The following TRMT44 variants were observed in gnomAD, a reference collection of about 807,000 sequenced individuals.
TRMT44 encodes the protein probable tRNA (uracil-O(2)-)-methyltransferase.
TRMT44 carries 78 observed loss-of-function variants against 77.3 expected under a neutral mutation model. That is an observed-to-expected ratio of 1.01 (90% CI 0.84 to 1.22). The LOEUF (loss-of-function observed/expected upper bound fraction) is 1.22, where lower values mean the gene tolerates loss of function less well. Among genes scored for constraint, TRMT44 ranks in the 50% most tolerant of loss-of-function variants. The probability of loss-of-function intolerance (pLI) is 0.00; values close to 1 mark genes in which losing one functional copy is unlikely to be tolerated. For missense variants in TRMT44, 1,090 were observed against 964.4 expected (o/e 1.13, Z -1.73); for synonymous variants, 391 against 383.3 (o/e 1.02, Z -0.23).
intron 9 of TRMT44, chr4:8,468,682 G>A (rs779903346): frequency 4.1e-5 from 21 of 517,148 alleles, no homozygotes; most frequent in Admixed American, 2.1e-4. Flanking sequence ...CAAGCAAAAT[G>A]CACTGTCCCC....
At chr4:8,506,334 T>C in the TRMT44 span, among the ~76,000 whole-genome samples, 2 of 152,214 alleles carry the variant, frequency 1.3e-5, no homozygotes, top group Non-Finnish European at 2.9e-5. Context: ...CAGAAGGGAT[T>C]TCTCCTAAAC....
intron 2 of TRMT44, among the ~76,000 whole-genome samples, chr4:8,485,533 C>T (rs149596742): frequency 0.057 from 8,600 of 151,914 alleles, 422 homozygotes; most frequent in African/African-American, 0.13. Context: ...TGGCATTGAG[C>T]GGGGTAAGGG....
rs764510664 is a variant in TRMT44 at position 8,465,473 on chromosome 4, G to C, written c.1406G>C (p.Arg469Pro). The change falls in exon 8 of 11, where the codon CGG becomes CCG. Residue 469 changes from arginine (R) to proline (P), a missense_variant. By Grantham distance (103) the Arg-to-Pro change is moderately radical. Transcript: ENST00000389737. The stretch of plus-strand genomic sequence containing the variant: ...AGGCAGAGTAAGAAGACTCAGTACC[G>C]GGAATACCTTGACTTCATTAAAGAA... ...SRRQSKKTQY[R>P]EYLDFIKEVG... is the part of the protein sequence containing the mutation. 1 of 1,614,122 alleles carries C rather than the reference G, an allele frequency of 6.2e-7. No individual in the cohort carries two copies. Among genetic ancestry groups the C allele is most frequent in the East Asian group, 2.2e-5 (1 of 44,880 alleles).
At chr4:8,470,036 G>A (rs1317014853) in intron 9 of TRMT44, among the ~76,000 whole-genome samples, 2 of 152,284 alleles carry the variant, frequency 1.3e-5, no homozygotes, top group East Asian at 3.8e-4. Context: ...GAAACCAAGA[G>A]GCCGGATATG....
chr4:8,469,816 C>A (rs770415432), intron 9 of TRMT44, among the ~76,000 whole-genome samples: 3 of 152,266 alleles, frequency 2.0e-5, no homozygotes, highest in Non-Finnish European at 4.4e-5. Context: ...GGCCTTTGGT[C>A]GCCCCCACCC....
chr4:8,485,599 T>C (rs1727777428), intron 2 of TRMT44, among the ~76,000 whole-genome samples: 1 of 150,916 alleles, frequency 6.6e-6, no homozygotes, highest in South Asian at 2.1e-4. Flanking sequence ...AGGGAAGGAG[T>C]AGAGATGTCC....
At chr4:8,513,371 A>G in the TRMT44 span, among the ~76,000 whole-genome samples, 1 of 152,224 alleles carries the variant, frequency 6.6e-6, no homozygotes, top group Non-Finnish European at 1.5e-5. Flanking sequence ...CGAGAACAGC[A>G]CAGGAAAGAC....
At chr4:8,467,284 A>C (rs1184016025) in intron 8 of TRMT44, among the ~76,000 whole-genome samples, 1 of 152,082 alleles carries the variant, frequency 6.6e-6, no homozygotes, top group Non-Finnish European at 1.5e-5. Context: ...CGAGGGGTGG[A>C]ATGAGGGGCG....
the TRMT44 span, among the ~76,000 whole-genome samples, chr4:8,514,831 G>T: frequency 2.0e-5 from 3 of 152,234 alleles, no homozygotes; most frequent in Admixed American, 2.0e-4. Flanking sequence ...AGGCCCCCAA[G>T]CTCAGGCCCA....
the TRMT44 span, among the ~76,000 whole-genome samples, chr4:8,508,133 C>A: frequency 6.6e-6 from 1 of 152,188 alleles, no homozygotes; most frequent in African/African-American, 2.4e-5. Flanking sequence ...TCTCGAACTC[C>A]TGACCTCAGG....
Position 8,452,747 on chromosome 4 carries a change from A to AG in TRMT44, c.1024-135_1024-134insG. ...AACACTCCATCTCAAAAAAAGAAAA[A>AG]AAAAAAAGAATGTTTAGTGTAGATG... is the stretch of plus-strand genomic sequence containing the variant. On this transcript the variant is annotated intron_variant, in intron 4 of 10. Transcript: ENST00000389737. This position sits in a 1 kb window ranked among gnomAD's most constrained non-coding sequence, Gnocchi z 5.7. The AG allele has an allele frequency of 1.9e-6, 1 of 528,984 alleles. No homozygotes were observed. The highest frequency in any genetic ancestry group is 3.2e-6 in the Non-Finnish European group (1 of 307,726). The allele number at this position is 528,984 out of a possible 1,614,324, so 32.8% of individuals were successfully genotyped here.
chr4:8,445,333 T>C (rs950865003), intron 1 of TRMT44, among the ~76,000 whole-genome samples: 3 of 152,330 alleles, frequency 2.0e-5, no homozygotes, highest in Non-Finnish European at 2.9e-5. Context: ...GAAAGAATGA[T>C]GCATTGTGTC....
In TRMT44 at chr4:8,465,557, A is replaced by G. The variant is rs1726483438; in HGVS notation, c.1490A>G (p.Lys497Arg). 6.2e-7 allele frequency: 1 copy of G among 1,610,740 alleles called. No homozygotes were observed. Among genetic ancestry groups the G allele is most frequent in the Non-Finnish European group, 8.5e-7 (1 of 1,178,580 alleles). The change falls in exon 8 of 11, where the codon AAA (lysine) becomes AGA (arginine). Residue 497 changes from lysine to arginine, a missense_variant. By Grantham distance (26) the Lys-to-Arg change is conservative. Coordinates refer to ENST00000389737, the MANE Select transcript of TRMT44 (RefSeq NM_152544.3). ...GACTGCCTCAGGATTCCTTCAACCA[A>G]AAGAGTATGTCTGATTCTCATGTTG... Reference protein sequence around the residue: ...DEDCLRIPSTKRVCLVGKSRT... With the variant: ...DEDCLRIPSTRRVCLVGKSRT...
downstream of TRMT44, chr4:8,478,301 TGGG>T (rs1560246114): frequency 1.3e-5 from 2 of 152,666 alleles, no homozygotes; most frequent in South Asian, 2.1e-4. Flanking sequence ...CAGATGGGGT[TGGG>T]GGCATGTGGG....
chr4:8,450,792 GTT>G (rs59875098), intron 3 of TRMT44, among the ~76,000 whole-genome samples: 2 of 96,670 alleles, frequency 2.1e-5, no homozygotes, highest in Non-Finnish European at 1.9e-5. Context: ...TCATTTCCAT[GTT>G]TTTTTTTTTT....
intron 10 of TRMT44, among the ~76,000 whole-genome samples, chr4:8,474,670 C>A (rs769833946): frequency 4.9e-4 from 75 of 152,378 alleles, no homozygotes; most frequent in Admixed American, 1.4e-3. Flanking sequence ...GACTTCCTCA[C>A]TGAGGCTCCT....
At chr4:8,490,611 C>T (rs1024083993) in intron 2 of TRMT44, among the ~76,000 whole-genome samples, 1 of 152,058 alleles carries the variant, frequency 6.6e-6, no homozygotes, top group East Asian at 1.9e-4. Context: ...CGTGGTCTCT[C>T]TGGCTTCAGG....
chr4:8,465,341 G>T (rs772464059), intron 7 of TRMT44, 37 bp from the exon 8 acceptor site: 1 of 1,577,088 alleles, frequency 6.3e-7, no homozygotes, highest in East Asian at 2.2e-5. Context: ...CGTCTGCTCA[G>T]GATGCTTGAC....
At chr4:8,455,013 CT>C in intron 6 of TRMT44, 200 bp downstream of exon 6, 2 of 599,172 alleles carry the variant, frequency 3.3e-6, no homozygotes, top group South Asian at 4.3e-5. Flanking sequence ...GTTAAACTGA[CT>C]GAAGGGCGCT....
Sources: allele counts gnomAD v4.1 joint callset (sites outside exome capture counted in the v4.1 genomes callset), GRCh38; gene constraint gnomAD v4.1.1; non-coding constraint Gnocchi (gnomAD v3.1); transcripts MANE v1.5; gene names NCBI Gene and HGNC (gene_info 2026-07-23, HGNC 2026-07-21).